FANK1: variants seen among roughly 807,000 people sequenced by gnomAD.
FANK1 encodes fibronectin type 3 and ankyrin repeat domains protein 1.
FANK1 carries 44 observed loss-of-function variants against 45.3 expected under a neutral mutation model. The ratio of observed to expected loss-of-function variants is 0.97; its 90% CI spans 0.76 to 1.25. The LOEUF is 1.25. FANK1 is among the 50% of genes most tolerant of loss of function. The probability of loss-of-function intolerance (pLI) is 0.00; values close to 1 mark genes in which losing one functional copy is unlikely to be tolerated. For synonymous variants in FANK1, 149 were observed against 152.5 expected, an observed-to-expected ratio of 0.98 and a Z score of 0.17; for missense variants, 391 against 424.4, an observed-to-expected ratio of 0.92 and a Z score of 0.69.
At chr10:125,905,541 T>C (rs1258493993) in intron 1 of FANK1, among the ~76,000 whole-genome samples, 2 of 152,284 alleles carry the variant, frequency 1.3e-5, no homozygotes, top group African/African-American at 4.8e-5. Flanking sequence ...CTCTAATAAT[T>C]CTGGAATCTT....
intron 1 of FANK1, among the ~76,000 whole-genome samples, chr10:125,939,516 T>A (rs1273143255): frequency 1.3e-5 from 2 of 152,218 alleles, no homozygotes; most frequent in African/African-American, 4.8e-5. Context: ...TTTTAAGAAT[T>A]CATTGCAATA....
chr10:125,910,685 T>A (rs1318303096), intron 1 of FANK1, among the ~76,000 whole-genome samples: 15 of 152,246 alleles, frequency 9.9e-5, no homozygotes, highest in Non-Finnish European at 2.1e-4. Context: ...ATCAGTCCAC[T>A]GCTGATGGAC....
At chr10:125,975,460 A>G (rs577845673) in intron 1 of FANK1, among the ~76,000 whole-genome samples, 1 of 152,284 alleles carries the variant, frequency 6.6e-6, no homozygotes, top group Admixed American at 6.5e-5. Flanking sequence ...TATCCCACCA[A>G]CAGTGTATAA....
chr10:125,974,214 T>C (rs986051160), intron 1 of FANK1, among the ~76,000 whole-genome samples: 1 of 152,188 alleles, frequency 6.6e-6, no homozygotes, highest in Non-Finnish European at 1.5e-5. Flanking sequence ...CCTCCTAGCA[T>C]ATCTCTGGGG....
chr10:125,952,207 AAAG>A (rs973091673), intron 1 of FANK1, among the ~76,000 whole-genome samples: 8 of 152,186 alleles, frequency 5.3e-5, no homozygotes, highest in Middle Eastern at 3.2e-3. Flanking sequence ...TTTAAAAAAA[AAAG>A]CGTGGTGTGT....
chr10:125,913,814 G>A (rs74162878), intron 1 of FANK1, among the ~76,000 whole-genome samples: 16 of 148,676 alleles, frequency 1.1e-4, no homozygotes, highest in South Asian at 4.4e-4. Flanking sequence ...ATTAAATGCA[G>A]TGCTGTGTGA....
intron 1 of FANK1, among the ~76,000 whole-genome samples, chr10:125,914,344 A>G (rs1946279416): frequency 6.7e-6 from 1 of 149,888 alleles, no homozygotes; most frequent in Non-Finnish European, 1.5e-5. Flanking sequence ...CCCCAGCCTC[A>G]GGTAGTGTAA....
At position 125,933,147 on chromosome 10, in the gene FANK1, C is replaced by T. The variant is rs192454691; in HGVS notation, c.13+36492C>T. ...TAGCATCTATGTTCATCAAGGATAT[C>T]GGTCTGTAGTTTTCTTTTCTGGTTA... On this transcript the variant is annotated intron_variant, in intron 1 of 10. Transcript: ENST00000368693. Among the ~76,000 whole-genome samples the T allele has an allele frequency of 1.1e-3, 172 of 152,102 alleles. 1 individual carries two copies. The highest frequency in any genetic ancestry group is 3.9e-3 in the African/African-American group (162 of 41,496).
intron 1 of FANK1, chr10:125,960,259 CCAG>C (rs1949836593): frequency 3.4e-6 from 1 of 298,290 alleles, no homozygotes; most frequent in Non-Finnish European, 6.8e-6. Context: ...GGAACACTGA[CCAG>C]CAGGGCATCC....
intron 1 of FANK1, among the ~76,000 whole-genome samples, chr10:125,930,947 A>G (rs1332299144): frequency 1.3e-5 from 2 of 152,078 alleles, no homozygotes; most frequent in African/African-American, 4.8e-5. Context: ...AGCTCCACAT[A>G]TCAGTGAGAA....
chr10:125,932,124 C>T (rs1207343333), intron 1 of FANK1, among the ~76,000 whole-genome samples: 1 of 152,122 alleles, frequency 6.6e-6, no homozygotes, highest in Admixed American at 6.6e-5. Context: ...AGTTTGAAAT[C>T]AGGTAGTGTG....
intron 1 of FANK1, among the ~76,000 whole-genome samples, chr10:125,950,233 A>G (rs1374598448): frequency 6.6e-6 from 1 of 151,546 alleles, no homozygotes; most frequent in Admixed American, 6.6e-5. Flanking sequence ...AAAACACCAA[A>G]AGCAATGGCA....
At chr10:125,936,024 A>C (rs1309404725) in intron 1 of FANK1, among the ~76,000 whole-genome samples, 1 of 152,192 alleles carries the variant, frequency 6.6e-6, no homozygotes, top group African/African-American at 2.4e-5. Flanking sequence ...TAGATTTTCA[A>C]CTACAGGAAA....
At chr10:125,994,627 G>A in intron 3 of FANK1, 1 of 985,390 alleles carries the variant, frequency 1.0e-6, no homozygotes, top group Non-Finnish European at 1.2e-6. Flanking sequence ...AAGCTTAATT[G>A]TGATACTTTT....
At position 125,970,578 on chromosome 10, in the gene FANK1, C is replaced by T. The variant is rs113004263; in HGVS notation, c.14-9583C>T. Among the ~76,000 whole-genome samples the T allele has an allele frequency of 5.5e-3, 838 of 152,308 alleles. 9 individuals are homozygous for T. The highest frequency in any genetic ancestry group is 0.018 in the African/African-American group (768 of 41,568). On this transcript the variant is annotated intron_variant, in intron 1 of 10. Transcript: ENST00000368693. ...CTGCAATCCCGGCGCCTCGGGAGGC[C>T]GAGGTGGGCAGATCACTCGAGGTCA...
At chr10:125,994,850 C>T (rs202059771) in intron 3 of FANK1, 79 of 985,220 alleles carry the variant, frequency 8.0e-5, no homozygotes, top group Admixed American at 8.0e-4. Context: ...CCTGGGTCTT[C>T]GCTGGTTGGC....
intron 1 of FANK1, among the ~76,000 whole-genome samples, chr10:125,958,756 T>C (rs1198343823): frequency 6.6e-6 from 1 of 152,246 alleles, no homozygotes; most frequent in South Asian, 2.1e-4. Flanking sequence ...ATTTAAAAAA[T>C]ATATTTCTTG....
intron 3 of FANK1, among the ~76,000 whole-genome samples, chr10:125,993,053 T>C (rs1590203363): frequency 6.6e-6 from 1 of 152,328 alleles, no homozygotes; most frequent in East Asian, 1.9e-4. Context: ...CTGGGCGACC[T>C]TGGACAACTT....
intron 1 of FANK1, chr10:125,972,733 TA>T (rs1216909231): frequency 6.6e-6 from 1 of 151,718 alleles, no homozygotes; most frequent in Non-Finnish European, 1.5e-5. Context: ...GGGCGTACAC[TA>T]ACCATTGGCA....
Sources: gnomAD v4.1 joint callset for allele counts (sites outside exome capture counted in the v4.1 genomes callset) on GRCh38, gnomAD v4.1.1 for gene constraint, MANE v1.5 for transcripts, NCBI Gene and HGNC (gene_info 2026-07-23, HGNC 2026-07-21) for gene names.